The following RPS6KC1 variants were observed in gnomAD, a reference collection of about 807,000 sequenced individuals.
RPS6KC1 encodes the protein inactive ribosomal protein S6 kinase delta-1.
In RPS6KC1, 54 loss-of-function variants were observed where a neutral mutation model predicts 103.8. The ratio of observed to expected loss-of-function variants is 0.52; its 90% confidence interval spans 0.42 to 0.65. The LOEUF (loss-of-function observed/expected upper bound fraction) is 0.65, where lower values mean the gene tolerates loss of function less well. Among genes scored for constraint, RPS6KC1 ranks in the 30% least tolerant of loss-of-function variants. The pLI, the probability that RPS6KC1 is intolerant of heterozygous loss-of-function variation, is 0.00. For synonymous variants in RPS6KC1, 439 were observed against 438.7 expected, an observed-to-expected ratio of 1.00 and a Z score of -0.01; for missense variants, 1,151 against 1,253.8, an observed-to-expected ratio of 0.92 and a Z score of 1.24.
the RPS6KC1 span, among the ~76,000 whole-genome samples, chr1:213,503,491 T>C: frequency 6.6e-6 from 1 of 152,224 alleles, no homozygotes; most frequent in Non-Finnish European, 1.5e-5. Flanking sequence ...TAGCAGTCAC[T>C]GCTGTCTCTA....
the RPS6KC1 span, among the ~76,000 whole-genome samples, chr1:213,827,035 T>C: frequency 1.3e-5 from 2 of 152,184 alleles, no homozygotes; most frequent in African/African-American, 2.4e-5. Context: ...AGATTAACGC[T>C]GGGCTTGAGT....
At chr1:213,444,850 T>G in the RPS6KC1 span, among the ~76,000 whole-genome samples, 8 of 152,152 alleles carry the variant, frequency 5.3e-5, no homozygotes, top group Non-Finnish European at 1.0e-4. Context: ...ACTGCTTTAT[T>G]AAGATATAAT....
the RPS6KC1 span, among the ~76,000 whole-genome samples, chr1:213,330,520 A>G: frequency 6.6e-6 from 1 of 152,322 alleles, no homozygotes; most frequent in Admixed American, 6.5e-5. Context: ...TCCGTGTGCA[A>G]TCGGGGTTGT....
chr1:213,350,925 TTA>T, the RPS6KC1 span, among the ~76,000 whole-genome samples: 1 of 152,262 alleles, frequency 6.6e-6, no homozygotes, highest in East Asian at 1.9e-4. Flanking sequence ...GGTACATGTT[TTA>T]TATATGATTG....
chr1:213,615,365 T>C, the RPS6KC1 span, among the ~76,000 whole-genome samples: 1 of 152,148 alleles, frequency 6.6e-6, no homozygotes, highest in African/African-American at 2.4e-5. Flanking sequence ...AATGTCCTTG[T>C]TATGTGGATA....
the RPS6KC1 span, among the ~76,000 whole-genome samples, chr1:213,747,313 A>T: frequency 6.6e-6 from 1 of 152,172 alleles, no homozygotes; most frequent in African/African-American, 2.4e-5. Context: ...TGTTTTTAGC[A>T]ATATGGAGGT....
the RPS6KC1 span, among the ~76,000 whole-genome samples, chr1:213,376,731 T>C: frequency 6.6e-6 from 1 of 152,200 alleles, no homozygotes; most frequent in African/African-American, 2.4e-5. Flanking sequence ...GTTTGCCTTG[T>C]CTCTGCCTAT....
chr1:213,148,355 A>G (rs2088143036), intron 6 of RPS6KC1, among the ~76,000 whole-genome samples: 1 of 152,134 alleles, frequency 6.6e-6, no homozygotes, highest in Non-Finnish European at 1.5e-5. Context: ...TGTTCCTTAT[A>G]TATCCAGTTT....
the RPS6KC1 span, among the ~76,000 whole-genome samples, chr1:213,301,279 G>A: frequency 5.3e-5 from 8 of 152,330 alleles, no homozygotes; most frequent in Admixed American, 4.6e-4. Flanking sequence ...CAGAAGGAAT[G>A]TCAAGGCCTT....
At position 213,253,800 on chromosome 1, in the gene RPS6KC1, G is replaced by A. The variant is rs192414940; in HGVS notation, c.2912-7758G>A. ...TTCTTCTTTCCTTTCCTTTCCCATC[G>A]CTATATAGACATCTTATGGTTGAGT... On this transcript the variant is annotated intron_variant, in intron 12 of 14. Coordinates refer to ENST00000366960, the MANE Select transcript of RPS6KC1 (RefSeq NM_012424.6). 1.8e-3 allele frequency among the ~76,000 whole-genome samples: 279 copies of A among 151,984 alleles called. 1 individual carries two copies. Among genetic ancestry groups the A allele is most frequent in the Admixed American group, 3.0e-3 (46 of 15,276 alleles).
At chr1:213,737,443 AG>A in the RPS6KC1 span, among the ~76,000 whole-genome samples, 1 of 152,230 alleles carries the variant, frequency 6.6e-6, no homozygotes, top group Non-Finnish European at 1.5e-5. Context: ...ACCTGGAAAC[AG>A]GTAGGTTTAC....
At chr1:213,644,426 T>C in the RPS6KC1 span, among the ~76,000 whole-genome samples, 2 of 152,090 alleles carry the variant, frequency 1.3e-5, no homozygotes, top group African/African-American at 4.8e-5. Context: ...TATTGCACTT[T>C]CTATGGGTTT....
the RPS6KC1 span, among the ~76,000 whole-genome samples, chr1:213,780,450 G>A: frequency 2.0e-5 from 3 of 152,152 alleles, no homozygotes; most frequent in South Asian, 4.1e-4. Context: ...ACCCAAATAG[G>A]AGATCCAGCC....
At chr1:213,097,348 T>C (rs1208317077) in intron 3 of RPS6KC1, among the ~76,000 whole-genome samples, 4 of 152,072 alleles carry the variant, frequency 2.6e-5, no homozygotes, top group Admixed American at 6.5e-5. Flanking sequence ...TGAGACTGTC[T>C]CAAAAAAAAT....
the RPS6KC1 span, among the ~76,000 whole-genome samples, chr1:213,575,511 T>C: frequency 6.6e-6 from 1 of 152,210 alleles, no homozygotes; most frequent in Admixed American, 6.5e-5. Context: ...TGAGATCTGA[T>C]GGTTTTATAA....
the RPS6KC1 span, among the ~76,000 whole-genome samples, chr1:213,300,392 T>G: frequency 4.6e-5 from 7 of 152,254 alleles, no homozygotes; most frequent in South Asian, 1.0e-3. Context: ...AACTCCAGCT[T>G]TTAATGGGAG....
At chr1:213,299,262 T>G in the RPS6KC1 span, among the ~76,000 whole-genome samples, 1 of 152,218 alleles carries the variant, frequency 6.6e-6, no homozygotes, top group African/African-American at 2.4e-5. Flanking sequence ...AATTAAAATA[T>G]ACTGTGGCCA....
At chr1:213,735,301 G>A in the RPS6KC1 span, among the ~76,000 whole-genome samples, 1 of 152,188 alleles carries the variant, frequency 6.6e-6, no homozygotes, top group South Asian at 2.1e-4. Context: ...GATACTAAAT[G>A]CTAATCTGAG....
chr1:213,812,167 G>T, the RPS6KC1 span, among the ~76,000 whole-genome samples: 1 of 151,918 alleles, frequency 6.6e-6, no homozygotes, highest in Admixed American at 6.6e-5. Flanking sequence ...AAAGAAAAGA[G>T]GGAGAGAGGG....
Sources: gnomAD v4.1 joint callset for allele counts (sites outside exome capture counted in the v4.1 genomes callset) on GRCh38, gnomAD v4.1.1 for gene constraint, MANE v1.5 for transcripts, NCBI Gene and HGNC (gene_info 2026-07-23, HGNC 2026-07-21) for gene names.